AFF3: variants seen among roughly 807,000 people sequenced by gnomAD.
The protein encoded by AFF3 is ALF transcription elongation factor 3.
AFF3 carries 32 observed loss-of-function variants against 129.7 expected under a neutral mutation model. The ratio of observed to expected loss-of-function variants is 0.25; its 90% CI spans 0.19 to 0.33. The LOEUF (loss-of-function observed/expected upper bound fraction) is 0.33. AFF3 is among the 10% of genes least tolerant of loss of function. The pLI is 1.00. For synonymous variants in AFF3, 644 were observed against 635.4 expected (o/e 1.01, Z -0.20); for missense variants, 1,373 against 1,592.0 (o/e 0.86, Z 2.34).
rs984975589 is a variant in AFF3, at chr2:100,006,503, C to T, written c.873+129G>A. ...AGTCTGCCTCCCCTTTCAGTGACTG[C>T]TACAAATCCTACCACATGAAGTTAA... On this transcript the variant is annotated intron_variant, in intron 7 of 24. Coordinates refer to ENST00000672756, the MANE Select transcript of AFF3 (RefSeq NM_001386135.1). The T allele has an allele frequency of 4.9e-5, 60 of 1,219,550 alleles. No homozygotes were observed. In the East Asian group the frequency reaches 1.3e-3, roughly 26 times the overall value. The allele number at this position is 1,219,550 out of a possible 1,614,324, so 75.5% of individuals were successfully genotyped here.
At position 99,715,731 on chromosome 2, in the gene AFF3, G is replaced by C. The variant is rs112263186; in HGVS notation, c.1091+11346C>G. Among the ~76,000 whole-genome samples, 375 of 151,004 alleles carry C rather than the reference G, an allele frequency of 2.5e-3. 4 individuals are homozygous for C. Among genetic ancestry groups the C allele is most frequent in the African/African-American group, 8.9e-3 (366 of 41,060 alleles). ...GTGTCACCCAGGCTGGAGTGCAGTG[G>C]TGTGATTTCAGCTCACTGCAAGCTC... On this transcript the variant is annotated intron_variant, in intron 11 of 24. Transcript: ENST00000672756.
At chr2:99,740,402 T>C (rs930882317) in intron 10 of AFF3, among the ~76,000 whole-genome samples, 1 of 151,342 alleles carries the variant, frequency 6.6e-6, no homozygotes, top group African/African-American at 2.4e-5. Flanking sequence ...ACTTCCACAA[T>C]GGTTGAACTA....
rs920270300 is a variant in AFF3 at position 99,720,264 on chromosome 2, G to T, written c.1091+6813C>A. On this transcript the variant is annotated intron_variant, in intron 11 of 24. Transcript: ENST00000672756. ...CTGGGGCCCAGAGGGTGGTGTCTGG[G>T]TCATGGGCATGGATGCCTCATAAAC... Among the ~76,000 whole-genome samples, 18 of 152,224 alleles carry T rather than the reference G, an allele frequency of 1.2e-4. No homozygotes were observed. In the South Asian group the frequency reaches 3.5e-3, roughly 30 times the overall value.
intron 4 of AFF3, among the ~76,000 whole-genome samples, chr2:100,033,652 A>T (rs1327791505): frequency 6.6e-6 from 1 of 152,204 alleles, no homozygotes; most frequent in Non-Finnish European, 1.5e-5. Context: ...AATGATAATC[A>T]ATTCTGATTT....
At chr2:99,652,205 G>A (rs775544390) in intron 12 of AFF3, among the ~76,000 whole-genome samples, 2 of 152,162 alleles carry the variant, frequency 1.3e-5, no homozygotes, top group African/African-American at 2.4e-5. Flanking sequence ...GAGAGAGAAG[G>A]CATTGATAGC....
intron 7 of AFF3, among the ~76,000 whole-genome samples, chr2:99,950,826 G>A (rs922672273): frequency 5.3e-5 from 8 of 152,076 alleles, no homozygotes; most frequent in South Asian, 2.1e-4. Flanking sequence ...AGCTGAAAAC[G>A]TACTTCCTAT....
At chr2:99,720,378 T>C (rs1274732189) in intron 11 of AFF3, among the ~76,000 whole-genome samples, 2 of 151,980 alleles carry the variant, frequency 1.3e-5, no homozygotes, top group African/African-American at 4.8e-5. Flanking sequence ...CCTGGAAGAG[T>C]AGGTTGTTAT....
intron 4 of AFF3, among the ~76,000 whole-genome samples, chr2:100,027,727 A>G (rs1255263641): frequency 6.6e-6 from 1 of 152,188 alleles, no homozygotes; most frequent in Non-Finnish European, 1.5e-5. Context: ...TATGTAATAA[A>G]ATTAGAACTT....
chr2:99,857,804 G>T (rs1297321751), intron 7 of AFF3, among the ~76,000 whole-genome samples: 1 of 152,100 alleles, frequency 6.6e-6, no homozygotes, highest in East Asian at 1.9e-4. Flanking sequence ...CTTTAAGTTA[G>T]GGAAGTCCTT....
At chr2:99,854,869 T>C (rs1029034201) in intron 7 of AFF3, among the ~76,000 whole-genome samples, 1 of 152,208 alleles carries the variant, frequency 6.6e-6, no homozygotes. Context: ...TTGATGAAAA[T>C]GATTTGTCAA....
Position 100,016,509 on chromosome 2 carries a change from A to ATAGTGGTGGTGGCGG in AFF3, c.54-7592_54-7578dup, listed in dbSNP as rs1359126841. 2.9e-3 allele frequency among the ~76,000 whole-genome samples: 411 copies of ATAGTGGTGGTGGCGG among 141,206 alleles called. 3 individuals are homozygous for ATAGTGGTGGTGGCGG. Among genetic ancestry groups the ATAGTGGTGGTGGCGG allele is most frequent in the African/African-American group, 9.8e-3 (363 of 37,032 alleles). The allele number at this position is 141,206 out of a possible 152,430, so 92.6% of individuals were successfully genotyped here. ...GAAAGTGGTGATGGTACTGGTGGTG[A>ATAGTGGTGGTGGCGG]TAGTGGTGGTGGCGGTAGTGGTGGT... is the stretch of plus-strand genomic sequence containing the variant. On this transcript the variant is annotated intron_variant, in intron 4 of 24. Transcript: ENST00000672756.
chr2:99,952,038 T>C (rs975128394), intron 7 of AFF3, among the ~76,000 whole-genome samples: 2 of 152,224 alleles, frequency 1.3e-5, no homozygotes, highest in Non-Finnish European at 2.9e-5. Flanking sequence ...TTGGTTACTC[T>C]CCCTTTATTT....
In AFF3 at chr2:99,998,247, A is replaced by G. The variant is rs1681037622; in HGVS notation, c.873+8385T>C. The stretch of plus-strand genomic sequence containing the variant: ...AAATCCCAGGGGCATGACCAAAGCT[A>G]AGAAGCGTTAAGTTATAGATGGGTT... On this transcript the variant is annotated intron_variant, in intron 7 of 24. Transcript: ENST00000672756. Among the ~76,000 whole-genome samples, 5 of 152,212 alleles carry G rather than the reference A, an allele frequency of 3.3e-5. No individual in the cohort carries two copies. In the South Asian group the frequency reaches 1.0e-3, roughly 32 times the overall value.
At position 100,073,919 on chromosome 2, in the gene AFF3, A is replaced by C. The variant is rs117756182; in HGVS notation, c.53+30483T>G. On this transcript the variant is annotated intron_variant, in intron 4 of 24. Coordinates refer to ENST00000672756, the MANE Select transcript of AFF3 (RefSeq NM_001386135.1). ...ACCTGAATAAGAGACTAATGAAATG[A>C]GAAATTGTTAAATTACAAAAAACAA... Among the ~76,000 whole-genome samples, 61 of 152,270 alleles carry C rather than the reference A, an allele frequency of 4.0e-4. 3 individuals are homozygous for C. In the East Asian group the frequency reaches 0.012, roughly 29 times the overall value.
chr2:100,020,088 T>A (rs1683462409), intron 4 of AFF3, among the ~76,000 whole-genome samples: 2 of 152,184 alleles, frequency 1.3e-5, no homozygotes, highest in African/African-American at 4.8e-5. Flanking sequence ...ATACTTGCTG[T>A]CTCTCTCCAA....
intron 13 of AFF3, among the ~76,000 whole-genome samples, chr2:99,644,477 G>A (rs1468819837): frequency 1.3e-5 from 2 of 152,156 alleles, no homozygotes; most frequent in Non-Finnish European, 2.9e-5. Flanking sequence ...GATGCTTGAG[G>A]TTTCACAGAA....
At chr2:99,917,884 A>G (rs1695581415) in intron 7 of AFF3, among the ~76,000 whole-genome samples, 1 of 152,186 alleles carries the variant, frequency 6.6e-6, no homozygotes, top group Non-Finnish European at 1.5e-5. Flanking sequence ...GCGCAAAAAA[A>G]TTCTGTTGGG....
intron 11 of AFF3, among the ~76,000 whole-genome samples, chr2:99,726,153 T>C (rs1411279491): frequency 6.6e-6 from 1 of 152,184 alleles, no homozygotes; most frequent in Non-Finnish European, 1.5e-5. Context: ...AAGACAAACA[T>C]ATAATCATAT....
At position 99,748,754 on chromosome 2, in the gene AFF3, A is replaced by C. The variant is rs998001485; in HGVS notation, c.1002+3467T>G. Among the ~76,000 whole-genome samples the C allele has an allele frequency of 5.9e-5, 9 of 152,362 alleles. No homozygotes were observed. The East Asian group carries it at 1.7e-3, about 29-fold the overall frequency. ...ACTTTAAAAAAAAGTATAAGTGACA[A>C]TAACACAAACCGTACATATTTAAAG... On this transcript the variant is annotated intron_variant, in intron 9 of 24. Coordinates refer to ENST00000672756, the MANE Select transcript of AFF3 (RefSeq NM_001386135.1).
Sources: gnomAD v4.1 joint callset for allele counts (sites outside exome capture counted in the v4.1 genomes callset) on GRCh38, gnomAD v4.1.1 for gene constraint, MANE v1.5 for transcripts, NCBI Gene and HGNC (gene_info 2026-07-23, HGNC 2026-07-21) for gene names.